The following PKP2 variants were observed in gnomAD, a reference collection of about 807,000 sequenced individuals.
PKP2 encodes the protein plakophilin 2.
Under a neutral mutation model 83.4 loss-of-function variants are expected in PKP2, and 73 were observed. The observed-to-expected ratio is 0.88, with a 90% CI of 0.72 to 1.06. The LOEUF is 1.06. Ranked by LOEUF, PKP2 falls within the 50% of genes least tolerant of loss-of-function variation. The pLI, the probability that PKP2 is intolerant of heterozygous loss-of-function variation, is 0.00. For missense variants in PKP2, 966 were observed against 1,065.4 expected (o/e 0.91, Z 1.30); for synonymous variants, 409 against 430.4 (o/e 0.95, Z 0.62).
intron 9 of PKP2, among the ~76,000 whole-genome samples, chr12:32,818,709 G>A (rs1956343533): frequency 6.6e-6 from 1 of 151,994 alleles, no homozygotes; most frequent in Non-Finnish European, 1.5e-5. Context: ...TGTCTTTTAG[G>A]AACCTATTTA....
chr12:32,810,354 C>T lies in PKP2; in HGVS notation c.2014-7798G>A, dbSNP rs1396227407. ...TTTTTGCAAAGGTAAGGAGTTCAGCCATCATTTTTTTTTCTCACTTGACAT... is the reference window on the plus strand; with the variant it reads ...TTTTTGCAAAGGTAAGGAGTTCAGCTATCATTTTTTTTTCTCACTTGACAT... On this transcript the variant is annotated intron_variant, in intron 9 of 12. Transcript: ENST00000340811. 4.0e-5 allele frequency among the ~76,000 whole-genome samples: 3 copies of T among 74,110 alleles called. No individual in the cohort carries two copies. The East Asian group carries it at 2.2e-3, about 55-fold the overall frequency. The allele number at this position is 74,110 out of a possible 152,430, so 48.6% of individuals were successfully genotyped here.
chr12:32,802,546 G>A lies in PKP2; in HGVS notation c.2024C>T (p.Ser675Leu), dbSNP rs1007329648. ...CTTCTGGACAACTGTCTGAGCCACTGATGTCGGCATCTGTTTTGTGAGACA... is the reference window on the plus strand; with the variant it reads ...CTTCTGGACAACTGTCTGAGCCACTAATGTCGGCATCTGTTTTGTGAGACA... ...LTAGSGPMPTSVAQTVVQKES... is the reference protein window; with the variant it reads ...LTAGSGPMPTLVAQTVVQKES... The change falls in exon 10 of 13, where the codon TCA (serine) becomes TTA (leucine). Residue 675 changes from serine to leucine, a missense_variant. By Grantham distance (145) the Ser-to-Leu change is moderately radical (BLOSUM62 -2). Coordinates refer to ENST00000340811, the MANE Select transcript of PKP2 (RefSeq NM_001005242.3). 1.2e-6 allele frequency: 2 copies of A among 1,613,914 alleles called. No homozygotes were observed. Among genetic ancestry groups the A allele is most frequent in the African/African-American group, 2.7e-5 (2 of 74,934 alleles).
chr12:32,855,262 T>C (rs1475112379), intron 4 of PKP2, among the ~76,000 whole-genome samples: 1 of 152,168 alleles, frequency 6.6e-6, no homozygotes, highest in Non-Finnish European at 1.5e-5. Flanking sequence ...GGTTGTCACA[T>C]ACCCACATGT....
intron 4 of PKP2, among the ~76,000 whole-genome samples, chr12:32,853,394 G>GAA (rs79409951): frequency 6.1e-4 from 54 of 87,868 alleles, no homozygotes; most frequent in East Asian, 3.4e-3. Context: ...TTCCTTAAAC[G>GAA]AAAAAAAAAA....
chr12:32,809,017 C>G (rs933075389), intron 9 of PKP2, among the ~76,000 whole-genome samples: 1 of 152,188 alleles, frequency 6.6e-6, no homozygotes, highest in African/African-American at 2.4e-5. Context: ...GAATTAGGGA[C>G]CCGCTTAAAG....
intron 3 of PKP2, 69 bp downstream of exon 3, chr12:32,877,777 A>G: frequency 8.6e-7 from 1 of 1,160,640 alleles, no homozygotes; most frequent in Non-Finnish European, 1.3e-6. Flanking sequence ...GTGCCAGCTC[A>G]TGCTGTCAGG....
chr12:32,796,023 T>G (rs1464608515), intron 11 of PKP2, 86 bp downstream of exon 11: 3 of 1,168,970 alleles, frequency 2.6e-6, no homozygotes, highest in South Asian at 2.4e-5. Context: ...ATGATGGTCA[T>G]GACCGCACAT....
rs749983507 is a variant in PKP2 at position 32,802,572 on chromosome 12, T to C, written c.2014-16A>G. ...ATGTCGGCATCTGTTTTGTGAGACA[T>C]ATCCTATAAGTGCTATTGTATTTGA... is the stretch of plus-strand genomic sequence containing the variant. On this transcript the variant is annotated splice_polypyrimidine_tract_variant and intron_variant, in intron 9 of 12. Transcript: ENST00000340811. 6.2e-6 allele frequency: 10 copies of C among 1,611,928 alleles called. No individual in the cohort carries two copies. Among genetic ancestry groups the C allele is most frequent in the Admixed American group, 1.7e-5 (1 of 59,998 alleles).
intron 5 of PKP2, 69 bp downstream of exon 5, chr12:32,850,697 A>G (rs1417371286): frequency 1.7e-6 from 2 of 1,203,372 alleles, no homozygotes; most frequent in Non-Finnish European, 2.5e-6. Flanking sequence ...ACTTAAGAAA[A>G]AGAGATGATG....
At chr12:32,836,227 A>G (rs1036287062) in intron 6 of PKP2, among the ~76,000 whole-genome samples, 7 of 152,326 alleles carry the variant, frequency 4.6e-5, no homozygotes, top group Admixed American at 4.6e-4. Flanking sequence ...CAATTGTGAA[A>G]AGTATGTAAT....
intron 5 of PKP2, among the ~76,000 whole-genome samples, chr12:32,848,665 CAAGGGTTGA>C (rs1956669981): frequency 6.6e-6 from 1 of 151,892 alleles, no homozygotes; most frequent in African/African-American, 2.4e-5. Flanking sequence ...AGGACGGGGG[CAAGGGTTGA>C]AAAACTATCT....
chr12:32,856,768 G>C (rs1290675067), intron 4 of PKP2, among the ~76,000 whole-genome samples: 1 of 150,688 alleles, frequency 6.6e-6, no homozygotes, highest in East Asian at 1.9e-4. Context: ...AAAAAAAAAA[G>C]AAGATTCAAA....
chr12:32,880,810 C>T (rs1956979476), intron 1 of PKP2, among the ~76,000 whole-genome samples: 1 of 151,760 alleles, frequency 6.6e-6, no homozygotes, highest in Admixed American at 6.6e-5. Flanking sequence ...CTCTTACTGC[C>T]TTAAAAAAAG....
chr12:32,831,235 C>T (rs1027226252), intron 6 of PKP2, among the ~76,000 whole-genome samples: 1 of 152,082 alleles, frequency 6.6e-6, no homozygotes, highest in Non-Finnish European at 1.5e-5. Context: ...TCAATCCATA[C>T]CTCCAAGATA....
At chr12:32,829,525 C>G (rs192306053) in intron 6 of PKP2, among the ~76,000 whole-genome samples, 2 of 152,142 alleles carry the variant, frequency 1.3e-5, no homozygotes, top group Non-Finnish European at 2.9e-5. Flanking sequence ...CAGACGTGAG[C>G]CACCGTGACC....
chr12:32,795,586 G>A (rs551458712), intron 11 of PKP2, among the ~76,000 whole-genome samples: 6 of 152,094 alleles, frequency 3.9e-5, no homozygotes, highest in South Asian at 4.2e-4. Flanking sequence ...TTGCCATGTC[G>A]GCCAGGCTGG....
At chr12:32,829,811 C>T (rs150952292) in intron 6 of PKP2, among the ~76,000 whole-genome samples, 2 of 152,084 alleles carry the variant, frequency 1.3e-5, no homozygotes, top group African/African-American at 4.8e-5. Flanking sequence ...CAAGTGTGTG[C>T]CACTGCGCCC....
At chr12:32,836,660 T>C (rs967909783) in intron 6 of PKP2, among the ~76,000 whole-genome samples, 5 of 152,230 alleles carry the variant, frequency 3.3e-5, no homozygotes, top group Non-Finnish European at 7.3e-5. Flanking sequence ...TAGTTCACTG[T>C]CGGCTCTGAA....
At chr12:32,886,264 C>T (rs1007661578) in intron 1 of PKP2, among the ~76,000 whole-genome samples, 3 of 152,190 alleles carry the variant, frequency 2.0e-5, no homozygotes, top group African/African-American at 4.8e-5. Context: ...CAACAGCTCT[C>T]GTTCTCCACA....
Sources: gnomAD v4.1 joint callset for allele counts (sites outside exome capture counted in the v4.1 genomes callset) on GRCh38, gnomAD v4.1.1 for gene constraint, MANE v1.5 for transcripts, NCBI Gene and HGNC (gene_info 2026-07-23, HGNC 2026-07-21) for gene names.